DNAH17: variants seen among roughly 807,000 people sequenced by gnomAD.
The protein encoded by DNAH17 is dynein axonemal heavy chain 17, also known as axonemal beta dynein heavy chain 17.
In DNAH17, 376 loss-of-function variants were observed where a neutral mutation model predicts 485.6. That is an observed-to-expected ratio of 0.77 (90% CI 0.71 to 0.84). The LOEUF (loss-of-function observed/expected upper bound fraction) is 0.84, where lower values mean the gene tolerates loss of function less well. DNAH17 is among the 40% of genes least tolerant of loss of function. The pLI is 0.00. For synonymous variants in DNAH17, 3,031 were observed against 2,405.9 expected (o/e 1.26, Z -7.60); for missense variants, 6,370 against 5,839.3 (o/e 1.09, Z -2.96).
At chr17:78,496,915 G>A (rs916800585) in intron 37 of DNAH17, 43 of 151,390 alleles carry the variant, frequency 2.8e-4, no homozygotes, top group Admixed American at 3.9e-4. Context: ...CTCGTGATCC[G>A]CCCGCCTCGG....
At chr17:78,426,350 G>A (rs778348153) in intron 79 of DNAH17, 107 bp downstream of exon 79, 4 of 1,354,026 alleles carry the variant, frequency 3.0e-6, no homozygotes, top group South Asian at 3.4e-5. Context: ...CAGGCCCCCA[G>A]GAGCCTCCTG....
At chr17:78,561,583 C>T in intron 12 of DNAH17, 132 bp downstream of exon 12, 1 of 1,164,106 alleles carries the variant, frequency 8.6e-7, no homozygotes, top group Non-Finnish European at 1.2e-6. Context: ...GGGGTCTCTT[C>T]TGGGCTTTTG....
chr17:78,518,548 T>C (rs1017076017), intron 25 of DNAH17, among the ~76,000 whole-genome samples: 2 of 152,142 alleles, frequency 1.3e-5, no homozygotes, highest in African/African-American at 4.8e-5. Flanking sequence ...ATAATTATAG[T>C]TGGAGAGATT....
chr17:78,446,626 AAATTT>A (rs2087314422), intron 69 of DNAH17, among the ~76,000 whole-genome samples: 1 of 140,210 alleles, frequency 7.1e-6, no homozygotes, highest in Non-Finnish European at 1.5e-5. Flanking sequence ...CTGATTTTTT[AAATTT>A]ATTTTATTAT....
intron 25 of DNAH17, among the ~76,000 whole-genome samples, chr17:78,515,665 A>C (rs1178755772): frequency 1.3e-5 from 2 of 152,240 alleles, no homozygotes; most frequent in Non-Finnish European, 2.9e-5. Flanking sequence ...GTGATGCCTG[A>C]CAATACCCAG....
chr17:78,558,046 CT>C, intron 14 of DNAH17, 61 bp downstream of exon 14: 1 of 1,535,978 alleles, frequency 6.5e-7, no homozygotes, highest in Admixed American at 2.1e-5. Context: ...CACAAACAAA[CT>C]TGACAAAAAA....
chr17:78,487,605 A>G (rs532371984), intron 44 of DNAH17, among the ~76,000 whole-genome samples: 17 of 152,204 alleles, frequency 1.1e-4, no homozygotes, highest in Non-Finnish European at 2.1e-4. Context: ...GCTCACTGCA[A>G]CTTCTGCCTC....
intron 9 of DNAH17, among the ~76,000 whole-genome samples, chr17:78,568,620 T>G (rs12940501): frequency 0.24 from 36,765 of 151,988 alleles, 5,057 homozygotes; most frequent in Admixed American, 0.4. Flanking sequence ...GGGTCTCACT[T>G]TGTCGCTCAG....
At chr17:78,528,942 C>T (rs1216772473) in intron 22 of DNAH17, among the ~76,000 whole-genome samples, 1 of 132,468 alleles carries the variant, frequency 7.5e-6, no homozygotes, top group Non-Finnish European at 1.6e-5. Flanking sequence ...GACATAAAGG[C>T]ATTTTGTATT....
chr17:78,561,489 C>G (rs866147026), intron 12 of DNAH17, among the ~76,000 whole-genome samples: 1 of 152,118 alleles, frequency 6.6e-6, no homozygotes, highest in African/African-American at 2.4e-5. Context: ...GTCTACCAGG[C>G]TGGTGGGCAA....
rs1358620526 is a variant in DNAH17 at position 78,569,300 on chromosome 17, C to CA, written c.1198-49dup. 8 of 1,598,132 alleles carry CA rather than the reference C, an allele frequency of 5.0e-6. No individual in the cohort carries two copies. In the East Asian group the frequency reaches 1.8e-4, roughly 36 times the overall value. ...GAGGCCACGTTTGCTTCAAATGTCC[C>CA]AAGTTTATCAAATATCGGGGCTCAT... On this transcript the variant is annotated intron_variant, in intron 8 of 80. Transcript: ENST00000389840.
At chr17:78,548,473 G>A (rs2091827194) in intron 16 of DNAH17, among the ~76,000 whole-genome samples, 1 of 152,074 alleles carries the variant, frequency 6.6e-6, no homozygotes, top group Non-Finnish European at 1.5e-5. Context: ...CAAAGTGCTG[G>A]GATTACACGC....
chr17:78,529,477 G>T lies in DNAH17; in HGVS notation c.3502C>A (p.Leu1168Met). ...EEMPEEIHLK[L>M]QELPEHWANT... ...CACACCCACCCACCACGTACCTGCA[G>T]CTTCAAGTGGATCTCCTCTGGCATC... The change falls in exon 22 of 81, where the codon CTG becomes ATG. Residue 1168 changes from leucine to methionine, a missense_variant. By Grantham distance (15) the Leu-to-Met change is conservative. Transcript: ENST00000389840. 2 of 1,613,890 alleles carry T rather than the reference G, an allele frequency of 1.2e-6. No homozygotes were observed. The highest frequency in any genetic ancestry group is 1.7e-6 in the Non-Finnish European group (2 of 1,179,848).
chr17:78,576,881 C>T (rs1193969042), intron 1 of DNAH17, among the ~76,000 whole-genome samples: 7 of 152,330 alleles, frequency 4.6e-5, no homozygotes, highest in Admixed American at 6.5e-5. Flanking sequence ...CCCACCCAGC[C>T]GTTTCCTGGG....
intron 37 of DNAH17, 87 bp downstream of exon 37, chr17:78,498,921 G>A: frequency 9.8e-7 from 1 of 1,018,506 alleles, no homozygotes; most frequent in Non-Finnish European, 1.4e-6. Context: ...GAGAGGCAAG[G>A]AGGGTCTATC....
At chr17:78,487,942 C>G (rs921143596) in intron 44 of DNAH17, among the ~76,000 whole-genome samples, 1 of 152,282 alleles carries the variant, frequency 6.6e-6, no homozygotes, top group Admixed American at 6.5e-5. Context: ...TATTATCCAG[C>G]GTAATAGAGT....
At chr17:78,447,449 TG>T in intron 69 of DNAH17, among the ~76,000 whole-genome samples, 1 of 152,294 alleles carries the variant, frequency 6.6e-6, no homozygotes, top group South Asian at 2.1e-4. Context: ...GCAGCTAACC[TG>T]GCACCCTCTG....
chr17:78,428,356 G>C, intron 77 of DNAH17, 169 bp downstream of exon 77: 1 of 791,926 alleles, frequency 1.3e-6, no homozygotes, highest in Non-Finnish European at 2.1e-6. Context: ...AGGACCTGCT[G>C]ACCAGCCTGC....
Position 78,507,273 on chromosome 17 carries a change from C to A in DNAH17, c.4676+5G>T, listed in dbSNP as rs752382353. Reference sequence around the variant, plus strand: ...TCCCCTGGTCTGGATAGGTGTGAGCCGCACCTCTTCTTCAGGGCCTCCAGT... The same window carrying A: ...TCCCCTGGTCTGGATAGGTGTGAGCAGCACCTCTTCTTCAGGGCCTCCAGT... On this transcript the variant is annotated splice_donor_5th_base_variant and intron_variant, in intron 29 of 80. Transcript: ENST00000389840. 1 of 1,613,882 alleles carries A rather than the reference C, an allele frequency of 6.2e-7. No individual in the cohort carries two copies. The highest frequency in any genetic ancestry group is 8.5e-7 in the Non-Finnish European group (1 of 1,179,880).
Sources: allele counts gnomAD v4.1 joint callset (sites outside exome capture counted in the v4.1 genomes callset), GRCh38; gene constraint gnomAD v4.1.1; transcripts MANE v1.5; gene names NCBI Gene and HGNC (gene_info 2026-07-23, HGNC 2026-07-21).